The following WDR62 variants were observed in gnomAD, a reference collection of about 807,000 sequenced individuals.
WDR62 encodes the protein WD repeat domain 62.
WDR62 carries 112 observed loss-of-function variants against 160.6 expected under a neutral mutation model. The observed-to-expected ratio is 0.70, with a 90% confidence interval of 0.60 to 0.82. WDR62 has a LOEUF of 0.82. Ranked by LOEUF, WDR62 falls within the 40% of genes least tolerant of loss-of-function variation. The pLI is 0.00. For missense variants in WDR62, 1,819 were observed against 1,983.8 expected, an observed-to-expected ratio of 0.92 and a Z score of 1.58; for synonymous variants, 792 against 815.1, an observed-to-expected ratio of 0.97 and a Z score of 0.48.
In WDR62 at chr19:36,091,250, A is replaced by G. The variant is rs1972586252; in HGVS notation, c.2085A>G (p.Lys695=). ...GTFLATSCSD[K]SISVIDFYSG... ...TCCTGGCCACCAGCTGCTCTGACAAAAGCATCTCAGTGATTGACTTTTACT... is the reference window on the plus strand; with the variant it reads ...TCCTGGCCACCAGCTGCTCTGACAAGAGCATCTCAGTGATTGACTTTTACT... Residue 695 remains lysine, a synonymous_variant, in exon 17 of 32, where the codon AAA becomes AAG. Coordinates refer to ENST00000401500, the MANE Select transcript of WDR62 (RefSeq NM_001083961.2). The G allele has an allele frequency of 1.1e-5, 18 of 1,613,352 alleles. No individual in the cohort carries two copies. The highest frequency in any genetic ancestry group is 1.5e-5 in the Non-Finnish European group (18 of 1,180,034).
chr19:36,096,258 A>G (rs1379685247), intron 20 of WDR62, among the ~76,000 whole-genome samples: 1 of 151,570 alleles, frequency 6.6e-6, no homozygotes, highest in Non-Finnish European at 1.5e-5. Context: ...ACCCAGCTAA[A>G]TATGTGTGTA....
At chr19:36,055,244 C>G in intron 1 of WDR62, 96 bp downstream of exon 1, 1 of 1,395,438 alleles carries the variant, frequency 7.2e-7, no homozygotes. Context: ...CAGCCCCCGG[C>G]CAGTCCCCTC....
At chr19:36,069,079 C>A (rs1015692714) in intron 7 of WDR62, among the ~76,000 whole-genome samples, 3 of 150,180 alleles carry the variant, frequency 2.0e-5, no homozygotes, top group African/African-American at 7.3e-5. Context: ...CGGGGGCTAA[C>A]CCCCCACCTC....
chr19:36,069,127 T>TC (rs916873810), intron 7 of WDR62, among the ~76,000 whole-genome samples: 2 of 110,202 alleles, frequency 1.8e-5, no homozygotes, highest in African/African-American at 7.2e-5. Context: ...GGGGGCTGAC[T>TC]CCCCCCACCT....
At chr19:36,091,660 G>C (rs533075668) in intron 18 of WDR62, among the ~76,000 whole-genome samples, 195 bp downstream of exon 18, 4 of 152,162 alleles carry the variant, frequency 2.6e-5, no homozygotes, top group Non-Finnish European at 5.9e-5. Flanking sequence ...ACTTTGGGAC[G>C]CTGAGGCGGG....
Position 36,100,774 on chromosome 19 carries a change from C to T in WDR62, c.2766C>T (p.Arg922=), listed in dbSNP as rs373906889. Residue 922 remains arginine, a synonymous_variant, in exon 23 of 32, where the codon CGC becomes CGT. Transcript: ENST00000401500. ...CAGAGAGTCCCCAGGAAGCTGGCCG[C>T]GGGCACCCCTCCTTCCTGCCCCAGC... is the stretch of plus-strand genomic sequence containing the variant. The part of the protein sequence containing the change: ...SESESPQEAG[R]GHPSFLPQQK... The T allele has an allele frequency of 9.2e-5, 149 of 1,614,050 alleles. No individual in the cohort carries two copies. The Middle Eastern group carries it at 2.6e-3, about 28-fold the overall frequency.
At chr19:36,072,939 C>G (rs147926834) in intron 8 of WDR62, among the ~76,000 whole-genome samples, 120 of 152,258 alleles carry the variant, frequency 7.9e-4, no homozygotes, top group African/African-American at 2.8e-3. Flanking sequence ...GACCCCAGGC[C>G]AAGGGACAGC....
At chr19:36,083,652 T>C (rs1972037843) in intron 11 of WDR62, among the ~76,000 whole-genome samples, 1 of 152,126 alleles carries the variant, frequency 6.6e-6, no homozygotes, top group Non-Finnish European at 1.5e-5. Flanking sequence ...TTATGTGCCC[T>C]GTTGAGGTTT....
intron 9 of WDR62, chr19:36,073,937 G>T (rs906117485): frequency 1.7e-5 from 6 of 357,176 alleles, no homozygotes; most frequent in African/African-American, 1.3e-4. Flanking sequence ...AGGCCCTGCG[G>T]CAGGAACATG....
chr19:36,065,968 A>G lies in WDR62; in HGVS notation c.343A>G (p.Ser115Gly). 1 of 1,614,174 alleles carries G rather than the reference A, an allele frequency of 6.2e-7. No individual in the cohort carries two copies. The highest frequency in any genetic ancestry group is 1.3e-5 in the African/African-American group (1 of 75,038). ...HIFNTARKSL[S>G]ALAFSPDGKY... ...TTTCTTTATCCCCAGGAAGTCTCTC[A>G]GTGCTCTGGCCTTCTCCCCTGATGG... The change falls in exon 4 of 32, where the codon AGT becomes GGT. Residue 115 changes from serine to glycine, a missense_variant. By Grantham distance (56) the Ser-to-Gly change is moderately conservative (BLOSUM62 0). Coordinates refer to ENST00000401500, the MANE Select transcript of WDR62 (RefSeq NM_001083961.2).
intron 10 of WDR62, 113 bp from the exon 11 acceptor site, chr19:36,082,950 A>G: frequency 1.1e-6 from 1 of 899,884 alleles, no homozygotes; most frequent in South Asian, 1.4e-5. Flanking sequence ...TGAAACTCCC[A>G]GCTCAAAATT....
At chr19:36,055,831 C>G (rs1970334759) in intron 1 of WDR62, among the ~76,000 whole-genome samples, 1 of 152,184 alleles carries the variant, frequency 6.6e-6, no homozygotes, top group Admixed American at 6.5e-5. Context: ...TGTTTTCCAG[C>G]TGTGTAGGCA....
intron 26 of WDR62, chr19:36,102,460 C>A (rs1478852514): frequency 6.9e-6 from 4 of 582,112 alleles, no homozygotes; most frequent in African/African-American, 1.9e-5. Context: ...TGAGGTTTCA[C>A]CATGTTGGCC....
At chr19:36,071,843 C>T (rs1411662756) in intron 8 of WDR62, 127 bp downstream of exon 8, 6 of 1,290,996 alleles carry the variant, frequency 4.6e-6, no homozygotes, top group Non-Finnish European at 6.2e-6. Context: ...ACTCTCAGCC[C>T]TGGGCATTAC....
intron 9 of WDR62, among the ~76,000 whole-genome samples, chr19:36,078,320 G>GT (rs1369939329): frequency 6.6e-6 from 1 of 151,192 alleles, no homozygotes; most frequent in Non-Finnish European, 1.5e-5. Flanking sequence ...GCTAATTTTT[G>GT]TTTTTTTAGT....
At position 36,071,583 on chromosome 19, in the gene WDR62, A is replaced by G. The variant is rs767013083; in HGVS notation, c.910A>G (p.Ser304Gly). 3.1e-6 allele frequency: 5 copies of G among 1,614,096 alleles called. No homozygotes were observed. The Admixed American group carries it at 8.3e-5, about 27-fold the overall frequency. ...CTCCCTGTCTTCCTGCCTCTGTGTC[A>G]GCCAGGAGCTCATCTTCTGTGGCTG... ...KVSLSSCLCV[S>G]QELIFCGCTD... The change falls in exon 8 of 32, where the codon AGC becomes GGC. Residue 304 changes from serine to glycine, a missense_variant. By Grantham distance (56) the Ser-to-Gly change is moderately conservative. Coordinates refer to ENST00000401500, the MANE Select transcript of WDR62 (RefSeq NM_001083961.2).
intron 3 of WDR62, among the ~76,000 whole-genome samples, chr19:36,063,408 C>T (rs923987036): frequency 6.6e-6 from 1 of 151,936 alleles, no homozygotes; most frequent in African/African-American, 2.4e-5. Flanking sequence ...GCCACCGTGC[C>T]TGGCTAATTT....
intron 21 of WDR62, among the ~76,000 whole-genome samples, chr19:36,097,396 T>C (rs1973039301): frequency 6.6e-6 from 1 of 152,172 alleles, no homozygotes; most frequent in African/African-American, 2.4e-5. Flanking sequence ...TGATAAGTGC[T>C]GTGGAGGGAA....
rs1973517675 is a variant in WDR62, at chr19:36,103,454, TC to T, written c.3628del (p.His1210MetfsTer88). Reference sequence around the variant, plus strand: ...CCCACCCCAGGCCTGGCTCAGGGTGTCCATGCCCCCTCCACCTGTTCCTACA... The same window carrying T: ...CCCACCCCAGGCCTGGCTCAGGGTGTCATGCCCCCTCCACCTGTTCCTACA... ...SAPTPGLAQGVHAPSTCSYME... is the reference protein window; with the variant it reads ...SAPTPGLAQGXHAPSTCSYME... On this transcript the variant is annotated frameshift_variant, in exon 30 of 32. Coordinates refer to ENST00000401500, the MANE Select transcript of WDR62 (RefSeq NM_001083961.2). LOFTEE classifies it high-confidence loss of function. The T allele has an allele frequency of 6.2e-7, 1 of 1,613,692 alleles. No individual in the cohort carries two copies. The highest frequency in any genetic ancestry group is 8.5e-7 in the Non-Finnish European group (1 of 1,179,948).
Sources: allele counts gnomAD v4.1 joint callset (sites outside exome capture counted in the v4.1 genomes callset), GRCh38; gene constraint gnomAD v4.1.1; transcripts MANE v1.5; gene names NCBI Gene and HGNC (gene_info 2026-07-23, HGNC 2026-07-21).